The following ATP10B variants were observed in gnomAD, a reference collection of about 807,000 sequenced individuals.
The protein encoded by ATP10B is phospholipid-transporting ATPase VB.
In ATP10B, 122 loss-of-function variants were observed where a neutral mutation model predicts 141.2. The observed-to-expected ratio is 0.86, with a 90% CI of 0.75 to 1.00. The LOEUF is 1.00. ATP10B is among the 50% of genes least tolerant of loss of function. The pLI is 0.00. For synonymous variants in ATP10B, 685 were observed against 692.0 expected, an observed-to-expected ratio of 0.99 and a Z score of 0.16; for missense variants, 1,876 against 1,825.3, an observed-to-expected ratio of 1.03 and a Z score of -0.51.
intron 2 of ATP10B, among the ~76,000 whole-genome samples, chr5:160,717,561 A>T (rs76480236): frequency 0.018 from 2,816 of 152,294 alleles, 39 homozygotes; most frequent in Middle Eastern, 0.034. Context: ...TTTAACGGTG[A>T]TATATTGGTT....
chr5:160,663,631 G>A (rs1762113436), intron 7 of ATP10B, among the ~76,000 whole-genome samples: 1 of 151,768 alleles, frequency 6.6e-6, no homozygotes, highest in Non-Finnish European at 1.5e-5. Context: ...ACACACTGGG[G>A]CCTGTTGTGG....
intron 2 of ATP10B, among the ~76,000 whole-genome samples, chr5:160,767,593 GAC>G (rs562871302): frequency 6.8e-6 from 1 of 146,244 alleles, no homozygotes; most frequent in African/African-American, 2.5e-5. Flanking sequence ...GCAAAAAAAT[GAC>G]ACTTTGCTTC....
intron 2 of ATP10B, among the ~76,000 whole-genome samples, chr5:160,719,983 C>T (rs897220762): frequency 6.6e-6 from 1 of 152,170 alleles, no homozygotes; most frequent in African/African-American, 2.4e-5. Flanking sequence ...AATGGAATTG[C>T]AGCATCAACA....
chr5:160,775,215 A>G (rs1251792994), intron 2 of ATP10B, among the ~76,000 whole-genome samples: 1 of 152,012 alleles, frequency 6.6e-6, no homozygotes, highest in Non-Finnish European at 1.5e-5. Context: ...GCCAAGTCAA[A>G]CTCTATTTCC....
At chr5:160,798,927 C>G (rs957915283) in intron 1 of ATP10B, among the ~76,000 whole-genome samples, 45 of 151,682 alleles carry the variant, frequency 3.0e-4, no homozygotes, top group African/African-American at 1.0e-3. Context: ...AATTTTTGTA[C>G]TTTTATTCGA....
the ATP10B span, among the ~76,000 whole-genome samples, chr5:160,923,869 G>C: frequency 1.3e-5 from 2 of 152,328 alleles, 1 homozygote; most frequent in South Asian, 4.1e-4. Context: ...AGACTGAACA[G>C]AGAACAAGAA....
chr5:160,668,446 C>T (rs1762462000), intron 7 of ATP10B, among the ~76,000 whole-genome samples: 1 of 152,180 alleles, frequency 6.6e-6, no homozygotes, highest in African/African-American at 2.4e-5. Context: ...GAAGGGCAGG[C>T]TACAGAGTTC....
chr5:160,573,292 T>C (rs1754993158), intron 24 of ATP10B, among the ~76,000 whole-genome samples: 2 of 152,232 alleles, frequency 1.3e-5, no homozygotes, highest in African/African-American at 4.8e-5. Context: ...AACCAGATGC[T>C]GAATCAGCTG....
the ATP10B span, among the ~76,000 whole-genome samples, chr5:160,857,219 A>C: frequency 6.6e-6 from 1 of 151,824 alleles, no homozygotes; most frequent in Non-Finnish European, 1.5e-5. Flanking sequence ...TTAAAATAAC[A>C]AATTCAGTTT....
At chr5:160,868,318 T>C in the ATP10B span, among the ~76,000 whole-genome samples, 1 of 152,106 alleles carries the variant, frequency 6.6e-6, no homozygotes, top group African/African-American at 2.4e-5. Flanking sequence ...CTGTGGTTCA[T>C]TTCATCCCTT....
chr5:160,747,590 C>T (rs1292027262), intron 2 of ATP10B, among the ~76,000 whole-genome samples: 2 of 152,086 alleles, frequency 1.3e-5, no homozygotes, highest in African/African-American at 4.8e-5. Flanking sequence ...GAGAGGCTAC[C>T]ACAAGCCAAG....
chr5:160,628,838 A>G (rs1758755521), intron 13 of ATP10B, among the ~76,000 whole-genome samples: 1 of 152,118 alleles, frequency 6.6e-6, no homozygotes, highest in African/African-American at 2.4e-5. Context: ...CTTGGGACTC[A>G]ACTCACCATT....
At chr5:160,589,827 G>A (rs1291522622) in intron 23 of ATP10B, 131 bp from the exon 24 acceptor site, 11 of 661,318 alleles carry the variant, frequency 1.7e-5, no homozygotes, top group Non-Finnish European at 2.2e-5. Flanking sequence ...CCATCTGTGT[G>A]GTACTGATCC....
chr5:160,912,977 T>G, the ATP10B span, among the ~76,000 whole-genome samples: 3 of 152,254 alleles, frequency 2.0e-5, no homozygotes, highest in Admixed American at 2.0e-4. Context: ...CAAGAGGACA[T>G]GCTGGCCATG....
intron 19 of ATP10B, 152 bp from the exon 20 acceptor site, chr5:160,604,193 A>G: frequency 1.6e-6 from 1 of 620,738 alleles, no homozygotes; most frequent in Non-Finnish European, 2.9e-6. Context: ...TTAGCTTGAG[A>G]GATGTCATTT....
At chr5:160,696,947 G>A (rs113400257) in intron 3 of ATP10B, among the ~76,000 whole-genome samples, 2 of 152,108 alleles carry the variant, frequency 1.3e-5, no homozygotes, top group African/African-American at 4.8e-5. Context: ...TGATTTTACC[G>A]AAACCCATTT....
At chr5:160,605,864 C>T (rs1161561340) in intron 19 of ATP10B, among the ~76,000 whole-genome samples, 1 of 152,160 alleles carries the variant, frequency 6.6e-6, no homozygotes, top group Non-Finnish European at 1.5e-5. Context: ...AACTCATGGT[C>T]TACTGAGGAG....
chr5:160,627,517 T>C (rs1436315201), intron 13 of ATP10B, among the ~76,000 whole-genome samples: 3 of 152,214 alleles, frequency 2.0e-5, no homozygotes, highest in African/African-American at 4.8e-5. Context: ...CTGTTTGTTG[T>C]TGGTGAGTGT....
At chr5:160,641,590 T>C (rs1054771500) in intron 9 of ATP10B, among the ~76,000 whole-genome samples, 1 of 152,208 alleles carries the variant, frequency 6.6e-6, no homozygotes, top group Non-Finnish European at 1.5e-5. Context: ...AGATTCAGAT[T>C]GCCAGTGTAG....
Sources: gnomAD v4.1 joint callset for allele counts (sites outside exome capture counted in the v4.1 genomes callset) on GRCh38, gnomAD v4.1.1 for gene constraint, MANE v1.5 for transcripts, NCBI Gene and HGNC (gene_info 2026-07-23, HGNC 2026-07-21) for gene names.